GLIS3: variants seen among roughly 807,000 people sequenced by gnomAD.
The protein encoded by GLIS3 is GLIS family zinc finger 3, also known as zinc finger protein GLIS3.
A neutral mutation model predicts 78.6 loss-of-function variants in GLIS3; 53 were observed. The ratio of observed to expected loss-of-function variants is 0.67; its 90% CI spans 0.54 to 0.85. The LOEUF (loss-of-function observed/expected upper bound fraction) is 0.85, where lower values mean the gene tolerates loss of function less well. GLIS3 is among the 40% of genes least tolerant of loss of function. The pLI, the probability that GLIS3 is intolerant of heterozygous loss-of-function variation, is 0.00. For synonymous variants in GLIS3, 684 were observed against 509.9 expected (o/e 1.34, Z -4.60); for missense variants, 1,703 against 1,231.1 (o/e 1.38, Z -5.74).
intron 4 of GLIS3, among the ~76,000 whole-genome samples, chr9:4,097,727 C>T (rs2130785408): frequency 1.3e-5 from 2 of 152,256 alleles, no homozygotes; most frequent in Middle Eastern, 3.4e-3. Context: ...ATATGAAAAA[C>T]ATCTCCTGGT....
the GLIS3 span, among the ~76,000 whole-genome samples, chr9:4,385,126 C>T: frequency 6.6e-6 from 1 of 152,212 alleles, no homozygotes; most frequent in Non-Finnish European, 1.5e-5. Context: ...GAACAGTTTA[C>T]TGTACACAGT....
intron 4 of GLIS3, among the ~76,000 whole-genome samples, chr9:4,096,788 G>A (rs1038220208): frequency 2.6e-5 from 4 of 152,122 alleles, no homozygotes; most frequent in Non-Finnish European, 5.9e-5. Context: ...AAGGCAGGTG[G>A]ATTGCTTGAA....
chr9:4,296,457 C>G (rs1587350136), intron 1 of GLIS3, among the ~76,000 whole-genome samples: 1 of 152,190 alleles, frequency 6.6e-6, no homozygotes, highest in South Asian at 2.1e-4. Context: ...AATTCACCCA[C>G]TAGGTGGACC....
intron 4 of GLIS3, among the ~76,000 whole-genome samples, chr9:4,103,229 TA>T (rs1286987645): frequency 4.6e-5 from 7 of 152,212 alleles, no homozygotes; most frequent in Admixed American, 6.5e-5. Flanking sequence ...TGTGTAATCT[TA>T]AAATTAAAAT....
At chr9:4,010,311 T>G (rs181698997) in intron 4 of GLIS3, among the ~76,000 whole-genome samples, 2 of 152,114 alleles carry the variant, frequency 1.3e-5, no homozygotes, top group Admixed American at 6.5e-5. Flanking sequence ...GCGTTTTCAG[T>G]TGCAATATGG....
intron 4 of GLIS3, among the ~76,000 whole-genome samples, chr9:4,058,388 T>C (rs1826322302): frequency 6.6e-6 from 1 of 152,156 alleles, no homozygotes; most frequent in Non-Finnish European, 1.5e-5. Context: ...ACAGTGTTTT[T>C]CTTTGCCTAC....
chr9:4,438,955 T>C, the GLIS3 span, among the ~76,000 whole-genome samples: 1 of 152,188 alleles, frequency 6.6e-6, no homozygotes, highest in Non-Finnish European at 1.5e-5. Flanking sequence ...TCCTACTCTA[T>C]AAGTCAATTT....
intron 9 of GLIS3, among the ~76,000 whole-genome samples, chr9:3,850,669 G>A (rs926954375): frequency 3.1e-4 from 47 of 152,142 alleles, no homozygotes; most frequent in African/African-American, 1.1e-3. Flanking sequence ...TTCTTCATTC[G>A]ATAGGTTACA....
chr9:3,890,217 A>G (rs73384275), intron 7 of GLIS3, among the ~76,000 whole-genome samples: 2,163 of 152,282 alleles, frequency 0.014, 52 homozygotes, highest in African/African-American at 0.048. Flanking sequence ...CAAGCAGGCA[A>G]TGGCACTCTG....
intron 9 of GLIS3, among the ~76,000 whole-genome samples, chr9:3,840,486 G>A (rs1214662363): frequency 6.6e-6 from 1 of 152,146 alleles, no homozygotes; most frequent in African/African-American, 2.4e-5. Flanking sequence ...CACAGACTGT[G>A]TTAGGAAGAC....
chr9:4,479,673 GC>G, the GLIS3 span, among the ~76,000 whole-genome samples: 1 of 152,106 alleles, frequency 6.6e-6, no homozygotes, highest in African/African-American at 2.4e-5. Context: ...TGGCCACACT[GC>G]CTTGCTGTGT....
intron 4 of GLIS3, among the ~76,000 whole-genome samples, chr9:3,978,020 G>C (rs1818929935): frequency 1.3e-5 from 2 of 152,232 alleles, no homozygotes; most frequent in African/African-American, 4.8e-5. Flanking sequence ...GGAGGTCTTG[G>C]TTGAGTACTG....
chr9:4,334,656 G>A (rs1344951897), intron 2 of GLIS3, among the ~76,000 whole-genome samples: 1 of 152,174 alleles, frequency 6.6e-6, no homozygotes, highest in African/African-American at 2.4e-5. Flanking sequence ...TTCAGCCACT[G>A]TCCCCATGCT....
At chr9:4,070,751 A>G (rs2130631816) in intron 4 of GLIS3, among the ~76,000 whole-genome samples, 1 of 152,310 alleles carries the variant, frequency 6.6e-6, no homozygotes, top group Non-Finnish European at 1.5e-5. Context: ...TAAATATTTA[A>G]ATAATTATGC....
intron 7 of GLIS3, among the ~76,000 whole-genome samples, chr9:3,894,796 T>TAACA (rs558169656): frequency 1.0e-3 from 154 of 152,248 alleles, no homozygotes; most frequent in African/African-American, 3.4e-3. Flanking sequence ...GCTCTAAACA[T>TAACA]AACAATTATT....
intron 4 of GLIS3, among the ~76,000 whole-genome samples, chr9:4,041,868 G>C (rs962419769): frequency 6.6e-6 from 1 of 152,144 alleles, no homozygotes; most frequent in Admixed American, 6.5e-5. Context: ...GACAGTCTTA[G>C]TGATTATGCT....
chr9:4,228,362 G>C (rs370763046), intron 2 of GLIS3, among the ~76,000 whole-genome samples: 3 of 152,140 alleles, frequency 2.0e-5, no homozygotes, highest in Admixed American at 6.5e-5. Context: ...CTGTCCATGC[G>C]AATGTAACAG....
the GLIS3 span, among the ~76,000 whole-genome samples, chr9:4,406,481 T>C: frequency 6.6e-6 from 1 of 152,156 alleles, no homozygotes; most frequent in Non-Finnish European, 1.5e-5. Flanking sequence ...CCACCAGGCC[T>C]GGCTAATTTT....
At chr9:4,415,614 T>C in the GLIS3 span, among the ~76,000 whole-genome samples, 2 of 152,112 alleles carry the variant, frequency 1.3e-5, no homozygotes, top group Admixed American at 6.6e-5. Context: ...CCTGAAAAAA[T>C]TGCATATTTT....
Sources: gnomAD v4.1 joint callset for allele counts (sites outside exome capture counted in the v4.1 genomes callset) on GRCh38, gnomAD v4.1.1 for gene constraint, MANE v1.5 for transcripts, NCBI Gene and HGNC (gene_info 2026-07-23, HGNC 2026-07-21) for gene names.